The following DPF3 variants were observed in gnomAD, a reference collection of about 807,000 sequenced individuals.
DPF3 encodes the protein zinc finger protein DPF3.
Under a neutral mutation model 56.8 loss-of-function variants are expected in DPF3, and 18 were observed. The observed-to-expected ratio is 0.32, with a 90% CI of 0.22 to 0.47. DPF3 has a LOEUF of 0.47. DPF3 is among the 20% of genes least tolerant of loss of function. DPF3 has a pLI of 1.00. For missense variants in DPF3, 403 were observed against 488.8 expected, an observed-to-expected ratio of 0.82 and a Z score of 1.65; for synonymous variants, 188 against 180.2, an observed-to-expected ratio of 1.04 and a Z score of -0.35.
chr14:72,756,942 AGAGAAAGGG>A (rs1890857625), intron 2 of DPF3, among the ~76,000 whole-genome samples: 1 of 69,272 alleles, frequency 1.4e-5, no homozygotes, highest in Non-Finnish European at 3.2e-5. Context: ...AGAGAAGAGA[AGAGAAAGGG>A]AGAGGGAAAG....
chr14:72,822,677 T>C (rs1883605601), intron 1 of DPF3, among the ~76,000 whole-genome samples: 1 of 152,220 alleles, frequency 6.6e-6, no homozygotes, highest in Admixed American at 6.5e-5. Context: ...ATACAGGTTT[T>C]TCTTTTTCAA....
At chr14:72,812,238 C>T (rs1883079918) in intron 1 of DPF3, among the ~76,000 whole-genome samples, 1 of 152,046 alleles carries the variant, frequency 6.6e-6, no homozygotes, top group Admixed American at 6.5e-5. Flanking sequence ...CCCATCCCCA[C>T]CCCCGGCCCC....
chr14:72,746,361 C>T (rs952098206), intron 3 of DPF3, among the ~76,000 whole-genome samples: 4 of 152,244 alleles, frequency 2.6e-5, no homozygotes, highest in Non-Finnish European at 4.4e-5. Context: ...ATTCACCACC[C>T]GCAGCTGCAG....
In DPF3 at chr14:72,695,629, C is replaced by T. The variant is rs534682162; in HGVS notation, c.605-2416G>A. ...CTTTTTATGGCTGTGTAATATTCCA[C>T]GGAATATCCTGAACACTGGGTACAC... On this transcript the variant is annotated intron_variant, in intron 6 of 10. Coordinates refer to ENST00000556509, the MANE Select transcript of DPF3 (RefSeq NM_001280542.3). 3.8e-4 allele frequency among the ~76,000 whole-genome samples: 58 copies of T among 152,120 alleles called. No homozygotes were observed. The South Asian group carries it at 7.9e-3, about 21-fold the overall frequency.
chr14:72,773,277 T>TGC, intron 1 of DPF3, among the ~76,000 whole-genome samples: 1 of 151,784 alleles, frequency 6.6e-6, no homozygotes, highest in Non-Finnish European at 1.5e-5. Context: ...GGATTATAGG[T>TGC]ACCTGCCACC....
chr14:72,838,908 C>T (rs796834532), intron 1 of DPF3, among the ~76,000 whole-genome samples: 9,288 of 78,176 alleles, frequency 0.12, 1,731 homozygotes, highest in African/African-American at 0.13. Flanking sequence ...CATATATATT[C>T]TTTTTTTTTT....
At chr14:72,889,188 A>G (rs1886657581) in intron 1 of DPF3, among the ~76,000 whole-genome samples, 1 of 152,114 alleles carries the variant, frequency 6.6e-6, no homozygotes, top group African/African-American at 2.4e-5. Context: ...CTCCCATTCA[A>G]CTGGCAGTCT....
rs933162848 is a variant in DPF3, at chr14:72,893,944, G to C, written c.32+113C>G. ...GCTGAAAGAAGAGAGAAGCCCCGCC[G>C]CGGCTGGAGGCGCCTGCAAGCGCAA... is the stretch of plus-strand genomic sequence containing the variant. On this transcript the variant is annotated intron_variant, in intron 1 of 10. Transcript: ENST00000556509. The C allele has an allele frequency of 6.5e-6, 8 of 1,235,650 alleles. 1 individual carries two copies. Among genetic ancestry groups the C allele is most frequent in the Non-Finnish European group, 9.2e-6 (8 of 865,766 alleles). 76.5% of individuals were successfully genotyped at this position (1,235,650 alleles called of 1,614,324 possible).
intron 7 of DPF3, among the ~76,000 whole-genome samples, chr14:72,686,822 C>T (rs950505075): frequency 1.3e-5 from 2 of 152,186 alleles, no homozygotes; most frequent in Non-Finnish European, 2.9e-5. Flanking sequence ...AGTTTAGGTA[C>T]GCAGTTGGCT....
chr14:72,751,688 C>T (rs1890580976), intron 3 of DPF3, among the ~76,000 whole-genome samples: 1 of 152,116 alleles, frequency 6.6e-6, no homozygotes, highest in African/African-American at 2.4e-5. Flanking sequence ...ATATCGATGA[C>T]ATGCTGAAAT....
At chr14:72,751,138 C>T (rs573714917) in intron 3 of DPF3, among the ~76,000 whole-genome samples, 1 of 152,202 alleles carries the variant, frequency 6.6e-6, no homozygotes, top group African/African-American at 2.4e-5. Flanking sequence ...CTATAGTGAG[C>T]TCATTGCAAC....
rs1333745983 is a variant in DPF3, at chr14:72,805,126, A to AG, written c.33-33234_33-33233insC. On this transcript the variant is annotated intron_variant, in intron 1 of 10. Coordinates refer to ENST00000556509, the MANE Select transcript of DPF3 (RefSeq NM_001280542.3). ...AGGTGCAGCCCCAGCCTCCCACAGG[A>AG]CCTGCCTATACAGGCCATGACTGAA... Among the ~76,000 whole-genome samples the AG allele has an allele frequency of 5.8e-3, 867 of 149,788 alleles. 8 individuals carry two copies. The highest frequency in any genetic ancestry group is 0.02 in the African/African-American group (824 of 40,630).
intron 1 of DPF3, among the ~76,000 whole-genome samples, chr14:72,870,799 G>T (rs1487046331): frequency 1.3e-5 from 2 of 152,184 alleles, no homozygotes; most frequent in African/African-American, 2.4e-5. Context: ...ACGAGGCTGG[G>T]CACAGTGGCT....
intron 8 of DPF3, among the ~76,000 whole-genome samples, chr14:72,644,239 C>T (rs991618366): frequency 6.6e-6 from 1 of 152,160 alleles, no homozygotes; most frequent in Non-Finnish European, 1.5e-5. Flanking sequence ...CACCATCTGG[C>T]GTCGTATTAC....
chr14:72,790,938 A>G (rs1892404494), intron 1 of DPF3, among the ~76,000 whole-genome samples: 1 of 151,948 alleles, frequency 6.6e-6, no homozygotes, highest in African/African-American at 2.4e-5. Flanking sequence ...ATGGTCAGCC[A>G]TTTGCCCTCT....
intron 1 of DPF3, among the ~76,000 whole-genome samples, chr14:72,789,900 C>T (rs1227258291): frequency 6.6e-6 from 1 of 152,230 alleles, no homozygotes; most frequent in Non-Finnish European, 1.5e-5. Context: ...CCCCCAAACT[C>T]CTTAGCTCTG....
At chr14:72,791,900 C>T (rs72730343) in intron 1 of DPF3, among the ~76,000 whole-genome samples, 3,993 of 152,310 alleles carry the variant, frequency 0.026, 111 homozygotes, top group Admixed American at 0.084. Context: ...CAGACTCGAA[C>T]CTAGTCCAGG....
rs774205870 is a variant in DPF3 at position 72,609,095 on chromosome 14, G to A, written c.*10202C>T. 3.9e-5 allele frequency among the ~76,000 whole-genome samples: 6 copies of A among 152,184 alleles called. No homozygotes were observed. Among genetic ancestry groups the A allele is most frequent in the East Asian group, 1.9e-4 (1 of 5,202 alleles). ...AAATTGCAGACAAAAGATTCACTAC[G>A]TGGGTAGTCAACATTGCTAACCAAT... On this transcript the variant is annotated 3_prime_UTR_variant, in exon 11 of 11. Coordinates refer to ENST00000556509, the MANE Select transcript of DPF3 (RefSeq NM_001280542.3).
intron 4 of DPF3, among the ~76,000 whole-genome samples, chr14:72,730,141 G>A (rs1243831750): frequency 6.6e-6 from 1 of 151,928 alleles, no homozygotes; most frequent in African/African-American, 2.4e-5. Context: ...GAAGACAACC[G>A]CAGCAGTTCA....
Sources: gnomAD v4.1 joint callset for allele counts (sites outside exome capture counted in the v4.1 genomes callset) on GRCh38, gnomAD v4.1.1 for gene constraint, MANE v1.5 for transcripts, NCBI Gene and HGNC (gene_info 2026-07-23, HGNC 2026-07-21) for gene names.